The following SDHB variants were observed in gnomAD, a reference collection of about 807,000 sequenced individuals.
SDHB encodes succinate dehydrogenase complex iron sulfur subunit B.
A neutral mutation model predicts 39.7 loss-of-function variants in SDHB; 21 were observed. That is an observed-to-expected ratio of 0.53 (90% CI 0.37 to 0.76). The LOEUF (loss-of-function observed/expected upper bound fraction) is 0.76. SDHB is among the 30% of genes least tolerant of loss of function. SDHB has a pLI of 0.00. For synonymous variants in SDHB, 118 were observed against 117.0 expected, an observed-to-expected ratio of 1.01 and a Z score of -0.06; for missense variants, 343 against 350.9, an observed-to-expected ratio of 0.98 and a Z score of 0.18.
At position 17,044,616 on chromosome 1, in the gene SDHB, G is replaced by A. The variant is rs2078098579; in HGVS notation, c.200+145C>T. 2.1e-5 allele frequency: 21 copies of A among 979,922 alleles called. 2 individuals carry two copies. In the Middle Eastern group the frequency reaches 9.2e-4, roughly 43 times the overall value. 60.7% of individuals were successfully genotyped at this position (979,922 alleles called of 1,614,324 possible). On this transcript the variant is annotated intron_variant, in intron 2 of 7. Transcript: ENST00000375499. ...GCTGGGATTATAGGCGTGAGCCACC[G>A]TGCCCGGCCCAAGCTCATTCTTGTT...
At chr1:17,038,743 A>C (rs558132681) in intron 2 of SDHB, among the ~76,000 whole-genome samples, 3 of 152,318 alleles carry the variant, frequency 2.0e-5, no homozygotes, top group African/African-American at 7.2e-5. Flanking sequence ...TCCTATTAGC[A>C]GTTATTATTT....
chr1:17,026,764 C>T (rs1246495853), intron 5 of SDHB, among the ~76,000 whole-genome samples: 1 of 152,084 alleles, frequency 6.6e-6, no homozygotes, highest in South Asian at 2.1e-4. Flanking sequence ...ACAACTGATA[C>T]TTTTCATATA....
intron 1 of SDHB, among the ~76,000 whole-genome samples, chr1:17,045,438 A>T (rs2078104062): frequency 6.6e-6 from 1 of 151,930 alleles, no homozygotes; most frequent in Admixed American, 6.6e-5. Flanking sequence ...ACATGGCAAA[A>T]CCCCATCTCT....
intron 1 of SDHB, among the ~76,000 whole-genome samples, chr1:17,052,035 C>T (rs901852099): frequency 6.6e-6 from 1 of 151,662 alleles, no homozygotes; most frequent in Non-Finnish European, 1.5e-5. Flanking sequence ...TTAGTAGAGA[C>T]GGGGTTTCAC....
At chr1:17,051,878 G>C (rs1021899646) in intron 1 of SDHB, among the ~76,000 whole-genome samples, 1 of 144,960 alleles carries the variant, frequency 6.9e-6, no homozygotes, top group African/African-American at 2.6e-5. Context: ...TTTCGCTCTT[G>C]TCGCCCAGGA....
At chr1:17,026,169 C>G (rs574429612) in intron 5 of SDHB, among the ~76,000 whole-genome samples, 1 of 152,300 alleles carries the variant, frequency 6.6e-6, no homozygotes, top group East Asian at 1.9e-4. Flanking sequence ...ACTCGCTGGG[C>G]CAGAGGGCCC....
chr1:17,029,875 A>G (rs1228390971), intron 3 of SDHB, among the ~76,000 whole-genome samples: 2 of 152,210 alleles, frequency 1.3e-5, no homozygotes, highest in Non-Finnish European at 1.5e-5. Context: ...TTGGGACTAC[A>G]GGCACATGCC....
intron 2 of SDHB, among the ~76,000 whole-genome samples, chr1:17,038,043 A>G (rs957883945): frequency 6.6e-6 from 1 of 152,100 alleles, no homozygotes; most frequent in African/African-American, 2.4e-5. Flanking sequence ...GGAAGCTGAG[A>G]CAGGAGAATT....
Position 17,039,792 on chromosome 1 carries a change from C to T in SDHB, c.200+4969G>A, listed in dbSNP as rs1021439791. ...GCCCCTACGCTATAGTTATCATATG[C>T]CTTACATCTATGTGAGTTATATATT... On this transcript the variant is annotated intron_variant, in intron 2 of 7. Coordinates refer to ENST00000375499, the MANE Select transcript of SDHB (RefSeq NM_003000.3). Among the ~76,000 whole-genome samples, 6 of 152,104 alleles carry T rather than the reference C, an allele frequency of 3.9e-5. No homozygotes were observed. The South Asian group carries it at 1.0e-3, about 26-fold the overall frequency.
Position 17,033,110 on chromosome 1 carries a change from A to G in SDHB, c.236T>C (p.Ile79Thr), listed in dbSNP as rs572028124. The change falls in exon 3 of 8, where the codon ATT becomes ACT. Residue 79 changes from isoleucine (I) to threonine (T), a missense_variant. Ile to Thr is a moderately conservative substitution (Grantham distance 89). Transcript: ENST00000375499. ...GPMVLDALIKIKNEVDSTLTF... is the reference protein window; with the variant it reads ...GPMVLDALIKTKNEVDSTLTF... ...CAAAGTAGAGTCAACTTCATTCTTAATCTTGATTAAAGCATCCAATACCAT... is the reference window on the plus strand; with the variant it reads ...CAAAGTAGAGTCAACTTCATTCTTAGTCTTGATTAAAGCATCCAATACCAT... 1 of 1,613,946 alleles carries G rather than the reference A, an allele frequency of 6.2e-7. No individual in the cohort carries two copies. Among genetic ancestry groups the G allele is most frequent in the South Asian group, 1.1e-5 (1 of 91,070 alleles).
chr1:17,030,658 T>C (rs551375361), intron 3 of SDHB, among the ~76,000 whole-genome samples: 23 of 152,208 alleles, frequency 1.5e-4, no homozygotes, highest in East Asian at 5.8e-4. Flanking sequence ...AGAAACCTGA[T>C]TGCTTGAGAA....
chr1:17,027,104 C>T (rs991535855), intron 5 of SDHB, among the ~76,000 whole-genome samples: 1 of 152,186 alleles, frequency 6.6e-6, no homozygotes, highest in African/African-American at 2.4e-5. Flanking sequence ...TCCTACCTCA[C>T]GTCCACAAGT....
chr1:17,042,867 T>C (rs766927160), intron 2 of SDHB, among the ~76,000 whole-genome samples: 1 of 151,888 alleles, frequency 6.6e-6, no homozygotes, highest in Admixed American at 6.6e-5. Flanking sequence ...TCTAAGTATC[T>C]GGCAATATTT....
chr1:17,038,155 C>A lies in SDHB; in HGVS notation c.201-5010G>T, dbSNP rs548984701. ...AACTCTGTCTCAAAAAAAAAAAATTCTCCTGCTTCAGCCTTCCAAAATGCT... is the reference window on the plus strand; with the variant it reads ...AACTCTGTCTCAAAAAAAAAAAATTATCCTGCTTCAGCCTTCCAAAATGCT... On this transcript the variant is annotated intron_variant, in intron 2 of 7. Transcript: ENST00000375499. Among the ~76,000 whole-genome samples, 4 of 152,194 alleles carry A rather than the reference C, an allele frequency of 2.6e-5. No homozygotes were observed. The South Asian group carries it at 8.3e-4, about 32-fold the overall frequency.
chr1:17,033,490 T>C (rs2078034134), intron 2 of SDHB, among the ~76,000 whole-genome samples: 1 of 152,218 alleles, frequency 6.6e-6, no homozygotes, highest in Non-Finnish European at 1.5e-5. Flanking sequence ...TTTAGTTTGA[T>C]TTTTAGGATG....
At position 17,022,649 on chromosome 1, in the gene SDHB, G is replaced by A. The variant is rs786203251; in HGVS notation, c.724C>T (p.Arg242Cys). Residue 242 changes from arginine (R) to cysteine (C), a missense_variant, in exon 7 of 8, where the codon CGC (arginine) becomes TGC (cysteine). By Grantham distance (180) the Arg-to-Cys change is radical. Transcript: ENST00000375499. The stretch of plus-strand genomic sequence containing the variant: ...GTGCAGTTCATGATGGTGTGGCAGC[G>A]GTATAGAGAGAATGGGTCCTGCAGC... ...AKLQDPFSLY[R>C]CHTIMNCTRT... is the part of the protein sequence containing the mutation. 10 of 1,614,014 alleles carry A rather than the reference G, an allele frequency of 6.2e-6. No homozygotes were observed. The highest frequency in any genetic ancestry group is 6.8e-6 in the Non-Finnish European group (8 of 1,179,962).
intron 3 of SDHB, among the ~76,000 whole-genome samples, chr1:17,032,106 T>TA (rs1285806900): frequency 6.6e-6 from 1 of 152,214 alleles, no homozygotes; most frequent in African/African-American, 2.4e-5. Context: ...CAACTTTCTT[T>TA]AAAGTATCTC....
intron 7 of SDHB, 85 bp downstream of exon 7, chr1:17,022,523 C>T: frequency 1.9e-6 from 3 of 1,566,682 alleles, no homozygotes; most frequent in Non-Finnish European, 2.6e-6. Flanking sequence ...TAGGGTTGCT[C>T]TCTGCCAATC....
At chr1:17,023,883 G>T in intron 6 of SDHB, 90 bp downstream of exon 6, 1 of 963,758 alleles carries the variant, frequency 1.0e-6, no homozygotes, top group Non-Finnish European at 1.7e-6. Flanking sequence ...AGGCCCCTCA[G>T]AATGGCTGGC....
Sources: gnomAD v4.1 joint callset for allele counts (sites outside exome capture counted in the v4.1 genomes callset) on GRCh38, gnomAD v4.1.1 for gene constraint, MANE v1.5 for transcripts, NCBI Gene and HGNC (gene_info 2026-07-23, HGNC 2026-07-21) for gene names.